The following CCDC192 variants were observed in gnomAD, a reference collection of about 807,000 sequenced individuals.
The protein encoded by CCDC192 is coiled-coil domain containing 192, also known as coiled-coil domain-containing protein 192.
intron 3 of CCDC192, among the ~76,000 whole-genome samples, chr5:127,767,026 C>G (rs530062839): frequency 5.3e-5 from 8 of 152,282 alleles, no homozygotes; most frequent in Admixed American, 1.3e-4. Flanking sequence ...ACTAATAAGG[C>G]CTTGAGAGAA....
At chr5:127,848,878 TA>T (rs1426291650) in intron 5 of CCDC192, among the ~76,000 whole-genome samples, 1 of 152,172 alleles carries the variant, frequency 6.6e-6, no homozygotes, top group African/African-American at 2.4e-5. Flanking sequence ...ATAAACTATA[TA>T]AAAGGAGCAG....
intron 2 of CCDC192, 37 bp from the exon 3 acceptor site, chr5:127,754,222 AACTATCCAT>A (rs1754426896): frequency 5.0e-6 from 2 of 398,066 alleles, no homozygotes; most frequent in South Asian, 2.6e-4. Context: ...GATGCACTCA[AACTATCCAT>A]GTCAAAAAGT....
rs186005167 is a variant in CCDC192, at chr5:127,749,802, G to A, written c.115-4466G>A. On this transcript the variant is annotated intron_variant, in intron 2 of 6. Coordinates refer to ENST00000514853, the MANE Select transcript of CCDC192 (RefSeq NM_001317938.2). ...GCCACAATTTGAGATCCTGTTATTG[G>A]TCTATTCAGAGATTCAACTTCTTCC... is the stretch of plus-strand genomic sequence containing the variant. 3.0e-3 allele frequency among the ~76,000 whole-genome samples: 453 copies of A among 152,260 alleles called. 3 individuals are homozygous for A. Among genetic ancestry groups the A allele is most frequent in the African/African-American group, 0.01 (418 of 41,548 alleles).
Position 127,939,156 on chromosome 5 carries a change from C to T in CCDC192, c.536-2026C>T, listed in dbSNP as rs984117508. The stretch of plus-strand genomic sequence containing the variant: ...TTTTTGAGATGGAGTCTCACTCTGT[C>T]GCCCAGGCTGGAATGCTGTGGCACA... On this transcript the variant is annotated intron_variant, in intron 6 of 6. Coordinates refer to ENST00000514853, the MANE Select transcript of CCDC192 (RefSeq NM_001317938.2). Among the ~76,000 whole-genome samples, 164 of 113,362 alleles carry T rather than the reference C, an allele frequency of 1.4e-3. 2 individuals carry two copies. The highest frequency in any genetic ancestry group is 4.9e-3 in the African/African-American group (147 of 29,714). 74.4% of individuals were successfully genotyped at this position (113,362 alleles called of 152,430 possible).
intron 2 of CCDC192, among the ~76,000 whole-genome samples, chr5:127,737,466 T>C (rs1216318555): frequency 1.3e-5 from 2 of 151,730 alleles, no homozygotes; most frequent in East Asian, 3.9e-4. Flanking sequence ...CAGAGCTGAG[T>C]TCAATTCCTG....
At chr5:127,762,481 G>A (rs1754984133) in intron 3 of CCDC192, among the ~76,000 whole-genome samples, 1 of 152,214 alleles carries the variant, frequency 6.6e-6, no homozygotes, top group South Asian at 2.1e-4. Context: ...TAGCCTCAGA[G>A]AATGCAAGGA....
chr5:127,800,143 G>T (rs113324754), intron 5 of CCDC192, among the ~76,000 whole-genome samples: 1 of 151,658 alleles, frequency 6.6e-6, no homozygotes, highest in Non-Finnish European at 1.5e-5. Context: ...GGTATCAAAT[G>T]GTGTTTATAA....
intron 6 of CCDC192, among the ~76,000 whole-genome samples, chr5:127,904,634 C>T (rs560154479): frequency 2.6e-5 from 4 of 151,636 alleles, no homozygotes; most frequent in East Asian, 1.9e-4. Context: ...CCTGAGTAGC[C>T]GGGATTACTG....
At chr5:127,725,982 C>T (rs912699534) in intron 2 of CCDC192, among the ~76,000 whole-genome samples, 7 of 150,894 alleles carry the variant, frequency 4.6e-5, no homozygotes, top group African/African-American at 1.7e-4. Context: ...TTTCTTTAGT[C>T]TTTTTTTAAG....
chr5:127,812,866 C>A (rs1404937495), intron 5 of CCDC192, among the ~76,000 whole-genome samples: 1 of 152,214 alleles, frequency 6.6e-6, no homozygotes, highest in Non-Finnish European at 1.5e-5. Flanking sequence ...TGACCACACT[C>A]TTTTTCCTCC....
At chr5:127,752,856 G>C (rs1754300413) in intron 2 of CCDC192, among the ~76,000 whole-genome samples, 1 of 152,174 alleles carries the variant, frequency 6.6e-6, no homozygotes, top group Non-Finnish European at 1.5e-5. Context: ...GCGGTATTCG[G>C]GTGGGAGTGA....
chr5:127,845,731 T>TA (rs1013239976), intron 5 of CCDC192, among the ~76,000 whole-genome samples: 19 of 151,326 alleles, frequency 1.3e-4, no homozygotes, highest in African/African-American at 3.4e-4. Context: ...AATGCAATTT[T>TA]AAAAAAAAAG....
At chr5:127,892,164 ATTG>A (rs1393914350) in intron 6 of CCDC192, among the ~76,000 whole-genome samples, 1 of 152,230 alleles carries the variant, frequency 6.6e-6, no homozygotes, top group African/African-American at 2.4e-5. Flanking sequence ...TCATTTGAAG[ATTG>A]TTATGTGCTT....
intron 5 of CCDC192, among the ~76,000 whole-genome samples, chr5:127,854,749 C>A (rs530523735): frequency 6.6e-6 from 1 of 152,064 alleles, no homozygotes; most frequent in African/African-American, 2.4e-5. Context: ...GTAAATAATG[C>A]AATAAAGTGA....
intron 6 of CCDC192, among the ~76,000 whole-genome samples, chr5:127,895,707 G>A (rs781164825): frequency 6.6e-6 from 1 of 152,002 alleles, no homozygotes; most frequent in Non-Finnish European, 1.5e-5. Context: ...AGGCACGGTG[G>A]TGCACACCTG....
intron 5 of CCDC192, among the ~76,000 whole-genome samples, chr5:127,801,859 G>A (rs1331218986): frequency 6.6e-6 from 1 of 152,192 alleles, no homozygotes; most frequent in African/African-American, 2.4e-5. Flanking sequence ...AGCATGAGTA[G>A]CAAGCTTTTA....
chr5:127,753,248 A>G (rs1226219550), intron 2 of CCDC192, among the ~76,000 whole-genome samples: 1 of 152,188 alleles, frequency 6.6e-6, no homozygotes, highest in Non-Finnish European at 1.5e-5. Flanking sequence ...AGCATGTACA[A>G]GGTTTTCCAA....
intron 3 of CCDC192, among the ~76,000 whole-genome samples, chr5:127,776,489 A>C (rs1186302148): frequency 6.6e-6 from 1 of 152,240 alleles, no homozygotes; most frequent in Non-Finnish European, 1.5e-5. Flanking sequence ...TTGCAGCCTG[A>C]CAATGCGACA....
rs1485964265 is a variant in CCDC192 at position 127,856,442 on chromosome 5, A to G, written c.412-19096A>G. On this transcript the variant is annotated intron_variant, in intron 5 of 6. Transcript: ENST00000514853. ...AGACTACTCACATTTTCTCCATATC[A>G]GCAACAGGGTTGGTTTGCTTTTTTA... 2.6e-5 allele frequency among the ~76,000 whole-genome samples: 4 copies of G among 152,208 alleles called. 1 individual carries two copies. Among genetic ancestry groups the G allele is most frequent in the African/African-American group, 9.6e-5 (4 of 41,464 alleles).
Sources: allele counts gnomAD v4.1 joint callset (sites outside exome capture counted in the v4.1 genomes callset), GRCh38; gene constraint gnomAD v4.1.1; transcripts MANE v1.5; gene names NCBI Gene and HGNC (gene_info 2026-07-23, HGNC 2026-07-21).